Variants in CIMIP4 observed in about 807,000 individuals in gnomAD.
CIMIP4 encodes the protein ciliary microtubule inner protein 4, also known as protein EAN57.
the CIMIP4 span, chr22:37,002,384 A>C: frequency 1.1e-5 from 2 of 176,736 alleles, no homozygotes; most frequent in East Asian, 1.8e-4. Flanking sequence ...GGGAGGGGGC[A>C]GAGATGGGGG....
chr22:36,994,630 A>ATT, the CIMIP4 span, among the ~76,000 whole-genome samples: 10,476 of 114,098 alleles, frequency 0.092, 850 homozygotes, highest in African/African-American at 0.14. Context: ...GCCTCCTGAG[A>ATT]TTTTTTTTTT....
chr22:36,991,359 A>G, the CIMIP4 span: 1 of 1,560,952 alleles, frequency 6.4e-7, no homozygotes, highest in Non-Finnish European at 8.8e-7. Context: ...GATGACTCGT[A>G]CCTCTTCCAA....
the CIMIP4 span, among the ~76,000 whole-genome samples, chr22:36,992,900 T>C: frequency 6.6e-6 from 1 of 150,452 alleles, no homozygotes; most frequent in Non-Finnish European, 1.5e-5. Context: ...ATAAATTCTA[T>C]ATATACATAT....
At chr22:36,998,820 C>T in the CIMIP4 span, among the ~76,000 whole-genome samples, 2 of 152,142 alleles carry the variant, frequency 1.3e-5, no homozygotes, top group African/African-American at 4.8e-5. Flanking sequence ...GTGGCGCCAC[C>T]TCCAGGCTCT....
the CIMIP4 span, chr22:37,002,188 C>T: frequency 1.3e-6 from 2 of 1,489,218 alleles, no homozygotes; most frequent in South Asian, 1.4e-5. Flanking sequence ...GTGGGGATGA[C>T]AGACCCTGGT....
the CIMIP4 span, chr22:37,004,088 T>G: frequency 6.9e-7 from 1 of 1,455,286 alleles, no homozygotes; most frequent in Non-Finnish European, 9.3e-7. Flanking sequence ...TGAACAAGGA[T>G]GAGCTGGGAG....
chr22:36,995,582 C>A, the CIMIP4 span, among the ~76,000 whole-genome samples: 1 of 152,218 alleles, frequency 6.6e-6, no homozygotes. Context: ...ACTCTCCCCA[C>A]ATGAAGTTCA....
the CIMIP4 span, chr22:37,007,648 C>T: frequency 2.0e-5 from 3 of 152,272 alleles, no homozygotes; most frequent in Non-Finnish European, 2.9e-5. Flanking sequence ...TCTTCACTCA[C>T]AAGCAACTCT....
At chr22:36,999,969 C>T in the CIMIP4 span, 5 of 1,612,548 alleles carry the variant, frequency 3.1e-6, no homozygotes, top group Non-Finnish European at 4.2e-6. Context: ...AAGACTTCAT[C>T]AATAGCCTTT....
At chr22:37,005,165 A>C in the CIMIP4 span, among the ~76,000 whole-genome samples, 7 of 152,286 alleles carry the variant, frequency 4.6e-5, no homozygotes, top group African/African-American at 1.4e-4. Flanking sequence ...CAGTCTTTGA[A>C]GAACTGAATG....
chr22:36,996,951 T>G, the CIMIP4 span, among the ~76,000 whole-genome samples: 3 of 152,188 alleles, frequency 2.0e-5, no homozygotes, highest in Non-Finnish European at 4.4e-5. Flanking sequence ...ACTGAGGCAG[T>G]CAGTAACCCA....
chr22:37,004,037 G>A, the CIMIP4 span: 6 of 1,541,638 alleles, frequency 3.9e-6, no homozygotes, highest in Non-Finnish European at 5.3e-6. Context: ...TGTAAACAAA[G>A]CACCACGTTT....
At chr22:36,992,232 A>G in the CIMIP4 span, among the ~76,000 whole-genome samples, 1 of 152,160 alleles carries the variant, frequency 6.6e-6, no homozygotes, top group Non-Finnish European at 1.5e-5. Flanking sequence ...CTGTAATCCC[A>G]GCTACTCAGG....
chr22:36,992,800 G>A, the CIMIP4 span, among the ~76,000 whole-genome samples: 4 of 151,840 alleles, frequency 2.6e-5, no homozygotes, highest in Non-Finnish European at 5.9e-5. Context: ...ATTAATATTA[G>A]GATGCAATAC....
chr22:36,999,991 A>C, the CIMIP4 span: 67 of 1,604,662 alleles, frequency 4.2e-5, no homozygotes, highest in East Asian at 8.9e-5. Context: ...GAGCCTGAGC[A>C]GGGAGGCAGG....
At chr22:36,992,461 G>C in the CIMIP4 span, among the ~76,000 whole-genome samples, 1 of 152,078 alleles carries the variant, frequency 6.6e-6, no homozygotes, top group Admixed American at 6.6e-5. Context: ...AGATTAGTAA[G>C]AGAAGCAAAC....
chr22:36,995,425 T>G, the CIMIP4 span, among the ~76,000 whole-genome samples: 1 of 152,172 alleles, frequency 6.6e-6, no homozygotes, highest in African/African-American at 2.4e-5. Flanking sequence ...GACCTCCTTC[T>G]GAAGCTGGAG....
At chr22:36,994,630 A>ATTT in the CIMIP4 span, among the ~76,000 whole-genome samples, 216 of 114,168 alleles carry the variant, frequency 1.9e-3, 5 homozygotes, top group South Asian at 5.1e-3. Context: ...GCCTCCTGAG[A>ATTT]TTTTTTTTTT....
the CIMIP4 span, among the ~76,000 whole-genome samples, chr22:37,000,621 A>T: frequency 6.6e-6 from 1 of 152,196 alleles, no homozygotes; most frequent in African/African-American, 2.4e-5. Context: ...GCAGGGTGGA[A>T]CTGGATGGTC....
Sources: gnomAD v4.1 joint callset for allele counts (sites outside exome capture counted in the v4.1 genomes callset) on GRCh38, gnomAD v4.1.1 for gene constraint, MANE v1.5 for transcripts, NCBI Gene and HGNC (gene_info 2026-07-23, HGNC 2026-07-21) for gene names.